PCDHGA1: variants seen among roughly 807,000 people sequenced by gnomAD.
PCDHGA1 encodes protocadherin gamma subfamily A, 1.
Under a neutral mutation model 58.0 loss-of-function variants are expected in PCDHGA1, and 32 were observed. That is an observed-to-expected ratio of 0.55 (90% CI 0.42 to 0.74). The LOEUF (loss-of-function observed/expected upper bound fraction) is 0.74, where lower values mean the gene tolerates loss of function less well. Among genes scored for constraint, PCDHGA1 ranks in the 30% least tolerant of loss-of-function variants. The pLI is 0.00. For missense variants in PCDHGA1, 1,205 were observed against 1,182.3 expected, an observed-to-expected ratio of 1.02 and a Z score of -0.28; for synonymous variants, 498 against 501.1, an observed-to-expected ratio of 0.99 and a Z score of 0.08.
intron 1 of PCDHGA1, among the ~76,000 whole-genome samples, chr5:141,435,451 CTGTA>C: frequency 6.6e-6 from 1 of 152,258 alleles, no homozygotes; most frequent in Non-Finnish European, 1.5e-5. Context: ...AATACGATAT[CTGTA>C]TGTGTTTCCA....
intron 1 of PCDHGA1, chr5:141,414,397 T>C: frequency 6.2e-7 from 1 of 1,613,920 alleles, no homozygotes; most frequent in Middle Eastern, 1.6e-4. Context: ...TTATTACAGA[T>C]TGGTGATACA....
intron 1 of PCDHGA1, chr5:141,366,436 C>T (rs757760710): frequency 1.9e-6 from 3 of 1,614,076 alleles, no homozygotes; most frequent in African/African-American, 1.3e-5. Context: ...CAGTCTCCTG[C>T]GTCTTCCTGG....
chr5:141,351,700 C>T (rs753470957), intron 1 of PCDHGA1: 2 of 1,613,956 alleles, frequency 1.2e-6, no homozygotes, highest in East Asian at 4.5e-5. Flanking sequence ...TGGGACCCAA[C>T]GGCAGAGTCT....
chr5:141,415,293 C>G, intron 1 of PCDHGA1: 1 of 1,614,192 alleles, frequency 6.2e-7, no homozygotes, highest in Non-Finnish European at 8.5e-7. Flanking sequence ...CGGTCTCCTG[C>G]GTCTTCCTGG....
intron 1 of PCDHGA1, among the ~76,000 whole-genome samples, chr5:141,462,769 G>T (rs1462290112): frequency 6.6e-6 from 1 of 151,956 alleles, no homozygotes; most frequent in African/African-American, 2.4e-5. Flanking sequence ...TCCTGGCTTG[G>T]GGTCATAATT....
At chr5:141,375,897 C>T in intron 1 of PCDHGA1, 1 of 1,613,798 alleles carries the variant, frequency 6.2e-7, no homozygotes, top group South Asian at 1.1e-5. Flanking sequence ...GCCTGGCTGT[C>T]CTACCGCCTG....
chr5:141,409,666 C>T, intron 1 of PCDHGA1: 3 of 1,613,554 alleles, frequency 1.9e-6, no homozygotes, highest in Non-Finnish European at 2.5e-6. Flanking sequence ...GCCACATCTC[C>T]TACTCTATAG....
intron 1 of PCDHGA1, chr5:141,339,371 G>C: frequency 6.2e-7 from 1 of 1,614,204 alleles, no homozygotes; most frequent in South Asian, 1.1e-5. Flanking sequence ...CCCTCGCTTT[G>C]GAGTAGAGGA....
At position 141,512,133 on chromosome 5, in the gene PCDHGA1, G is replaced by C. The variant is rs1394116556; in HGVS notation, c.*960G>C. 1 of 152,708 alleles carries C rather than the reference G, an allele frequency of 6.5e-6. No homozygotes were observed. Among genetic ancestry groups the C allele is most frequent in the Non-Finnish European group, 1.5e-5 (1 of 68,102 alleles). The allele number at this position is 152,708 out of a possible 1,614,324, so 9.5% of individuals were successfully genotyped here. On this transcript the variant is annotated 3_prime_UTR_variant, in exon 4 of 4. Transcript: ENST00000517417. ...CCACTACATAATAGGGCTCAGCCCA[G>C]GCAGCCAGCTTTGGGCTGAGCTAAC...
At chr5:141,350,546 A>T (rs886105437) in intron 1 of PCDHGA1, 2 of 1,613,906 alleles carry the variant, frequency 1.2e-6, no homozygotes, top group Admixed American at 1.7e-5. Context: ...TTGCGGAAGG[A>T]AACTTGAGTG....
At position 141,419,770 on chromosome 5, in the gene PCDHGA1, G is replaced by A. The variant is rs1018272442; in HGVS notation, c.2422-75037G>A. On this transcript the variant is annotated intron_variant, in intron 1 of 3. Coordinates refer to ENST00000517417, the MANE Select transcript of PCDHGA1 (RefSeq NM_018912.3). ...TGCGTGCTTTGGGTGACAAGGACTC[G>A]GTCCGCCAGCGCCTGCTAGTCGCTG... 3.7e-6 allele frequency: 6 copies of A among 1,614,006 alleles called. No individual in the cohort carries two copies. The Admixed American group carries it at 6.7e-5, about 18-fold the overall frequency.
At chr5:141,410,668 T>C in intron 1 of PCDHGA1, 2 of 1,565,640 alleles carry the variant, frequency 1.3e-6, no homozygotes, top group African/African-American at 2.7e-5. Context: ...TCTACTAGTT[T>C]CTCATATTTT....
At chr5:141,385,471 C>T in intron 1 of PCDHGA1, 4 of 1,437,776 alleles carry the variant, frequency 2.8e-6, no homozygotes, top group South Asian at 3.1e-5. Context: ...AGTGGTGACA[C>T]TTTAATATAG....
intron 1 of PCDHGA1, chr5:141,352,777 G>C (rs1046343321): frequency 3.4e-6 from 4 of 1,181,934 alleles, no homozygotes; most frequent in Admixed American, 4.5e-5. Context: ...ATCACTTGAG[G>C]TCAGGAGTTT....
intron 1 of PCDHGA1, among the ~76,000 whole-genome samples, chr5:141,492,876 G>A (rs2099744774): frequency 6.6e-6 from 1 of 152,184 alleles, no homozygotes; most frequent in African/African-American, 2.4e-5. Context: ...TCAACCCCCA[G>A]AGATACAGGC....
At chr5:141,360,676 G>C in intron 1 of PCDHGA1, 2 of 1,613,952 alleles carry the variant, frequency 1.2e-6, no homozygotes, top group Non-Finnish European at 1.7e-6. Flanking sequence ...CTTTGATCTC[G>C]CTGAGAAACA....
intron 1 of PCDHGA1, chr5:141,403,711 G>A: frequency 6.2e-7 from 1 of 1,613,930 alleles, no homozygotes; most frequent in South Asian, 1.1e-5. Context: ...AAGTCCTTGA[G>A]AACGTGCCCC....
At chr5:141,350,766 T>C in intron 1 of PCDHGA1, 1 of 1,613,904 alleles carries the variant, frequency 6.2e-7, no homozygotes, top group Non-Finnish European at 8.5e-7. Context: ...TTATACACCA[T>C]CAACCCCAAT....
chr5:141,339,148 G>A (rs768272354), intron 1 of PCDHGA1: 2 of 1,614,212 alleles, frequency 1.2e-6, no homozygotes, highest in South Asian at 2.2e-5. Flanking sequence ...CCCTGGCACT[G>A]GCAGAGCAGG....
Sources: gnomAD v4.1 joint callset for allele counts (sites outside exome capture counted in the v4.1 genomes callset) on GRCh38, gnomAD v4.1.1 for gene constraint, MANE v1.5 for transcripts, NCBI Gene and HGNC (gene_info 2026-07-23, HGNC 2026-07-21) for gene names.